Variants in PRKACB observed in about 807,000 individuals in gnomAD.
PRKACB encodes protein kinase cAMP-activated catalytic subunit beta.
PRKACB carries 16 observed loss-of-function variants against 51.4 expected under a neutral mutation model. The ratio of observed to expected loss-of-function variants is 0.31; its 90% CI spans 0.21 to 0.47. The LOEUF is 0.47. Ranked by LOEUF, PRKACB falls within the 20% of genes least tolerant of loss-of-function variation. The pLI is 1.00. For synonymous variants in PRKACB, 147 were observed against 154.4 expected (o/e 0.95, Z 0.35); for missense variants, 309 against 464.5 (o/e 0.67, Z 3.08).
chr1:84,078,847 GC>G, intron 1 of PRKACB, among the ~76,000 whole-genome samples: 1 of 152,250 alleles, frequency 6.6e-6, no homozygotes, highest in Middle Eastern at 3.4e-3. Context: ...CGCAAGTGAG[GC>G]TAATCCTGAG....
At chr1:84,200,967 G>T (rs1306441587) in intron 7 of PRKACB, among the ~76,000 whole-genome samples, 1 of 151,852 alleles carries the variant, frequency 6.6e-6, no homozygotes, top group Admixed American at 6.6e-5. Flanking sequence ...GAGTGTTCAG[G>T]TTTTATTTTT....
chr1:84,123,073 T>C (rs1432576809), intron 1 of PRKACB, among the ~76,000 whole-genome samples: 1 of 152,184 alleles, frequency 6.6e-6, no homozygotes, highest in East Asian at 1.9e-4. Flanking sequence ...GACCATATAT[T>C]TGGGGCCTGG....
intron 1 of PRKACB, among the ~76,000 whole-genome samples, chr1:84,096,696 T>TA (rs1648950554): frequency 6.6e-6 from 1 of 152,142 alleles, no homozygotes; most frequent in South Asian, 2.1e-4. Flanking sequence ...GAGTTTTTTT[T>TA]ATATATCACT....
At chr1:84,132,036 T>G (rs1652271160) in intron 1 of PRKACB, among the ~76,000 whole-genome samples, 1 of 152,144 alleles carries the variant, frequency 6.6e-6, no homozygotes, top group Non-Finnish European at 1.5e-5. Flanking sequence ...TATCCTGGTT[T>G]GGGGAGGGCA....
At chr1:84,109,241 G>A (rs1403393754) in intron 1 of PRKACB, among the ~76,000 whole-genome samples, 2 of 151,852 alleles carry the variant, frequency 1.3e-5, no homozygotes, top group Non-Finnish European at 2.9e-5. Flanking sequence ...ACATATGTAT[G>A]CATTTCTATT....
At position 84,163,266 on chromosome 1, in the gene PRKACB, T is replaced by A. The variant is rs1360012942; in HGVS notation, c.188-15911T>A. 6.6e-5 allele frequency among the ~76,000 whole-genome samples: 10 copies of A among 151,982 alleles called. 1 individual carries two copies. The highest frequency in any genetic ancestry group is 2.2e-4 in the African/African-American group (9 of 41,398). On this transcript the variant is annotated intron_variant, in intron 1 of 9. Transcript: ENST00000370685. The stretch of plus-strand genomic sequence containing the variant: ...CGTGTCCTTTGTGCTTGTCATTACC[T>A]CCTAGTCAGATTGCATAGCAAGGTG...
At position 84,197,825 on chromosome 1, in the gene PRKACB, G is replaced by T. The variant is rs941346982; in HGVS notation, c.783+1G>T. 1 of 1,587,948 alleles carries T rather than the reference G, an allele frequency of 6.3e-7. No homozygotes were observed. Among genetic ancestry groups the T allele is most frequent in the Admixed American group, 1.7e-5 (1 of 59,592 alleles). On this transcript the variant is annotated splice_donor_variant, in intron 7 of 9. Transcript: ENST00000370685. LOFTEE classifies it high-confidence loss of function. ...GGCTCCAGAAATAATTCTCAGCAAG[G>T]TATATTCATAATATCAACACATAAG...
At chr1:84,108,737 C>A (rs1199453114) in intron 1 of PRKACB, among the ~76,000 whole-genome samples, 1 of 151,950 alleles carries the variant, frequency 6.6e-6, no homozygotes, top group Non-Finnish European at 1.5e-5. Context: ...GATTTAAGAA[C>A]CTGCCCTAGT....
At chr1:84,111,429 A>G (rs912894770) in intron 1 of PRKACB, among the ~76,000 whole-genome samples, 8 of 152,102 alleles carry the variant, frequency 5.3e-5, no homozygotes, top group African/African-American at 1.4e-4. Context: ...CTAAATCAAA[A>G]TTGTTCCTCT....
At chr1:84,200,632 CT>C (rs35502136) in intron 7 of PRKACB, among the ~76,000 whole-genome samples, 68,917 of 151,556 alleles carry the variant, frequency 0.45, 16,708 homozygotes, top group Non-Finnish European at 0.56. Context: ...GCATTTAGGT[CT>C]TTAATCCATT....
At chr1:84,229,366 A>G (rs1401119617) in intron 9 of PRKACB, among the ~76,000 whole-genome samples, 1 of 33,514 alleles carries the variant, frequency 3.0e-5, no homozygotes. Context: ...AGTCTTTGCT[A>G]TTGTGAATAA....
chr1:84,232,734 C>T (rs1675938689), intron 9 of PRKACB, among the ~76,000 whole-genome samples: 1 of 151,918 alleles, frequency 6.6e-6, no homozygotes, highest in Non-Finnish European at 1.5e-5. Context: ...AGGATTGCAA[C>T]CCCTGCCTTT....
intron 1 of PRKACB, among the ~76,000 whole-genome samples, chr1:84,102,708 G>A (rs1649445077): frequency 1.3e-5 from 2 of 152,162 alleles, no homozygotes; most frequent in African/African-American, 4.8e-5. Context: ...AAGGAAGCAG[G>A]CTGAAAAGCT....
chr1:84,158,104 C>A (rs1353394972), intron 1 of PRKACB, among the ~76,000 whole-genome samples: 1 of 151,364 alleles, frequency 6.6e-6, no homozygotes, highest in Non-Finnish European at 1.5e-5. Context: ...GAAACAAAGT[C>A]TCACTCTGTC....
intron 2 of PRKACB, among the ~76,000 whole-genome samples, chr1:84,180,183 GATAT>G (rs3051182): frequency 0.017 from 533 of 32,058 alleles, 48 homozygotes; most frequent in East Asian, 0.033. Context: ...AAGAAACTGT[GATAT>G]ATATATATAT....
At chr1:84,177,293 A>G (rs1457079959) in intron 1 of PRKACB, among the ~76,000 whole-genome samples, 1 of 152,126 alleles carries the variant, frequency 6.6e-6, no homozygotes, top group Non-Finnish European at 1.5e-5. Flanking sequence ...AATTTAATTT[A>G]TAGCCATCAT....
chr1:84,212,883 TC>T (rs1345264154), intron 8 of PRKACB, among the ~76,000 whole-genome samples: 1 of 152,094 alleles, frequency 6.6e-6, no homozygotes, highest in East Asian at 1.9e-4. Context: ...CACAATACCT[TC>T]CCTCAGAAGC....
intron 1 of PRKACB, among the ~76,000 whole-genome samples, chr1:84,128,716 G>A (rs11163905): frequency 0.47 from 71,900 of 151,926 alleles, 17,734 homozygotes; most frequent in Non-Finnish European, 0.56. Context: ...TAATGATCTC[G>A]TTCAGCAGAA....
chr1:84,110,480 T>G (rs2094675380), intron 1 of PRKACB, among the ~76,000 whole-genome samples: 1 of 151,848 alleles, frequency 6.6e-6, no homozygotes, highest in Non-Finnish European at 1.5e-5. Context: ...ATCATCTTAT[T>G]CTCAAATTCC....
Sources: gnomAD v4.1 joint callset for allele counts (sites outside exome capture counted in the v4.1 genomes callset) on GRCh38, gnomAD v4.1.1 for gene constraint, MANE v1.5 for transcripts, NCBI Gene and HGNC (gene_info 2026-07-23, HGNC 2026-07-21) for gene names.